Variants in NRXN2 observed in about 807,000 individuals in gnomAD.
NRXN2 encodes neurexin-2-beta.
In NRXN2, 29 loss-of-function variants were observed where a neutral mutation model predicts 128.8. The observed-to-expected ratio is 0.23, with a 90% CI of 0.17 to 0.31. The LOEUF is 0.31. NRXN2 is among the 10% of genes least tolerant of loss of function. NRXN2 has a pLI of 1.00. For missense variants in NRXN2, 1,881 were observed against 2,452.6 expected (o/e 0.77, Z 4.92); for synonymous variants, 1,098 against 1,075.2 (o/e 1.02, Z -0.41).
intron 7 of NRXN2, among the ~76,000 whole-genome samples, chr11:64,672,048 G>C (rs1329365288): frequency 1.3e-5 from 2 of 152,190 alleles, no homozygotes; most frequent in African/African-American, 4.8e-5. Flanking sequence ...TGGGTACTGA[G>C]CTGGCCAAGG....
intron 4 of NRXN2, 67 bp downstream of exon 4, chr11:64,692,780 G>C: frequency 6.3e-7 from 1 of 1,581,564 alleles, no homozygotes; most frequent in East Asian, 2.2e-5. Context: ...ACAGGGAGAA[G>C]AACAGAAAAT....
intron 5 of NRXN2, 69 bp from the exon 6 acceptor site, chr11:64,686,016 C>T: frequency 6.4e-7 from 1 of 1,564,566 alleles, no homozygotes; most frequent in Non-Finnish European, 8.8e-7. Context: ...CTTCCCTCTC[C>T]CCTCCAGCAA....
At chr11:64,674,770 T>C (rs2051076123) in intron 7 of NRXN2, among the ~76,000 whole-genome samples, 1 of 152,230 alleles carries the variant, frequency 6.6e-6, no homozygotes, top group African/African-American at 2.4e-5. Flanking sequence ...CTGGAAACAC[T>C]GAGATAACCA....
At chr11:64,679,865 C>G (rs1175168270) in intron 6 of NRXN2, among the ~76,000 whole-genome samples, 2 of 152,156 alleles carry the variant, frequency 1.3e-5, no homozygotes, top group African/African-American at 4.8e-5. Context: ...CCACTGGAAC[C>G]CATTCCTGGT....
intron 9 of NRXN2, 191 bp from the exon 10 acceptor site, chr11:64,661,330 C>T: frequency 6.8e-7 from 1 of 1,468,746 alleles, no homozygotes; most frequent in Non-Finnish European, 9.0e-7. Flanking sequence ...TGACAAAGGC[C>T]CCCAGGCTCA....
intron 17 of NRXN2, among the ~76,000 whole-genome samples, chr11:64,637,079 C>T (rs530272220): frequency 6.6e-6 from 1 of 152,020 alleles, no homozygotes; most frequent in South Asian, 2.1e-4. Flanking sequence ...AGCCATGGGT[C>T]CCCTTGCTGT....
intron 9 of NRXN2, among the ~76,000 whole-genome samples, chr11:64,666,375 T>C (rs1414075696): frequency 1.3e-5 from 2 of 151,070 alleles, no homozygotes; most frequent in Admixed American, 1.3e-4. Context: ...CTAATTTTTG[T>C]ATTTTTAGTA....
chr11:64,666,460 C>T (rs1396566283), intron 9 of NRXN2, among the ~76,000 whole-genome samples: 1 of 152,134 alleles, frequency 6.6e-6, no homozygotes, highest in Non-Finnish European at 1.5e-5. Flanking sequence ...CTTCGGCCTC[C>T]CAAAGTGCTG....
chr11:64,607,063 C>T lies in NRXN2; in HGVS notation c.*133G>A, dbSNP rs1019064178. 1.8e-5 allele frequency: 17 copies of T among 960,098 alleles called. No homozygotes were observed. Among genetic ancestry groups the T allele is most frequent in the African/African-American group, 8.2e-5 (5 of 60,896 alleles). The allele number at this position is 960,098 out of a possible 1,614,324, so 59.5% of individuals were successfully genotyped here. ...CGGGGTTTTTCCTTTTCTTTTTTTG[C>T]GTTTCCTCTTCGTAAGAGAAGCCTG... On this transcript the variant is annotated 3_prime_UTR_variant, in exon 23 of 23. Coordinates refer to ENST00000265459, the MANE Select transcript of NRXN2 (RefSeq NM_015080.4).
chr11:64,667,155 T>G lies in NRXN2; in HGVS notation c.1798+95A>C. 8.1e-7 allele frequency: 1 copy of G among 1,236,168 alleles called. No homozygotes were observed. The highest frequency in any genetic ancestry group is 1.2e-6 in the Non-Finnish European group (1 of 857,066). 76.6% of individuals were successfully genotyped at this position (1,236,168 alleles called of 1,614,324 possible). A position where few individuals can be genotyped will look rare whatever the true frequency, so the allele number is the denominator to read the frequency against. ...CGGCAGGGAAGAATATAGGAAATGG[T>G]GTAGAAGAGACCCGCTGAAGAGAGA... On this transcript the variant is annotated intron_variant, in intron 9 of 22. Transcript: ENST00000265459. This position sits in a 1 kb window ranked among gnomAD's most constrained non-coding sequence, Gnocchi z 5.6.
intron 14 of NRXN2, among the ~76,000 whole-genome samples, 187 bp from the exon 15 acceptor site, chr11:64,650,825 G>T (rs1182252676): frequency 6.6e-6 from 1 of 152,136 alleles, no homozygotes; most frequent in Non-Finnish European, 1.5e-5. Context: ...GTCACGGGGA[G>T]AATGTAAGGA....
chr11:64,696,390 A>G (rs1565436316), intron 3 of NRXN2, among the ~76,000 whole-genome samples: 1 of 152,192 alleles, frequency 6.6e-6, no homozygotes, highest in Non-Finnish European at 1.5e-5. Flanking sequence ...GGAGGCGCAC[A>G]GCACACCCAT....
chr11:64,651,725 GCCACCCAT>G lies in NRXN2; in HGVS notation c.2537-97_2537-90del. 1.3e-5 allele frequency: 19 copies of G among 1,441,240 alleles called. No homozygotes were observed. The highest frequency in any genetic ancestry group is 1.6e-5 in the Non-Finnish European group (17 of 1,040,568). 89.3% of individuals were successfully genotyped at this position (1,441,240 alleles called of 1,614,324 possible). A position where few individuals can be genotyped will look rare whatever the true frequency, so the allele number is the denominator to read the frequency against. On this transcript the variant is annotated intron_variant, in intron 13 of 22. Coordinates refer to ENST00000265459, the MANE Select transcript of NRXN2 (RefSeq NM_015080.4). The surrounding 1 kb of genome is among the most constrained non-coding windows in gnomAD (Gnocchi z 5.9). Reference sequence around the variant, plus strand: ...CCAGGAGCCTCCCCTCCACAGGAGGGCCACCCATGAGTGACATCTTTAGAGATGTCCTC... The same window carrying G: ...CCAGGAGCCTCCCCTCCACAGGAGGGGAGTGACATCTTTAGAGATGTCCTC...
Position 64,660,789 on chromosome 11 carries a change from T to A in NRXN2, c.2149A>T (p.Ile717Phe), listed in dbSNP as rs755786562. The A allele has an allele frequency of 2.5e-6, 4 of 1,613,628 alleles. No individual in the cohort carries two copies. The highest frequency in any genetic ancestry group is 3.4e-6 in the Non-Finnish European group (4 of 1,180,026). Residue 717 changes from isoleucine (I) to phenylalanine (F), a missense_variant, in exon 10 of 23, where the codon ATC (isoleucine) becomes TTC (phenylalanine). Ile to Phe is a conservative substitution (Grantham distance 21, BLOSUM62 0). This residue lies in a region of NRXN2 where 997 missense variants were observed against 1,240.8 expected (regional missense o/e 0.80). Transcript: ENST00000265459. The surrounding 1 kb of genome is among the most constrained non-coding windows in gnomAD (Gnocchi z 5.2). Reference sequence around the variant, plus strand: ...ACCCGCCCAAGAAAGCCGGTCCCGATGCAGTCACAGATGAAGCGGTTCCAG... The same window carrying A: ...ACCCGCCCAAGAAAGCCGGTCCCGAAGCAGTCACAGATGAAGCGGTTCCAG... Reference protein sequence around the residue: ...EGWNRFICDCIGTGFLGRVCE... With the variant: ...EGWNRFICDCFGTGFLGRVCE...
At chr11:64,686,677 G>A (rs1455069860) in intron 5 of NRXN2, among the ~76,000 whole-genome samples, 1 of 152,218 alleles carries the variant, frequency 6.6e-6, no homozygotes, top group Non-Finnish European at 1.5e-5. Context: ...CCAAGCCAAG[G>A]ACGGCGCAGA....
In NRXN2 at chr11:64,651,829, G is replaced by T. The variant is rs1473559505; in HGVS notation, c.2537-193C>A. 6.6e-6 allele frequency among the ~76,000 whole-genome samples: 1 copy of T among 152,180 alleles called. No homozygotes were observed. Among genetic ancestry groups the T allele is most frequent in the Non-Finnish European group, 1.5e-5 (1 of 68,018 alleles). ...CTCGCCAGTCAAGAGCCAACAGGCTGCCAGGGGAATGCTGCCTACAGGGAG... is the reference window on the plus strand; with the variant it reads ...CTCGCCAGTCAAGAGCCAACAGGCTTCCAGGGGAATGCTGCCTACAGGGAG... On this transcript the variant is annotated intron_variant, in intron 13 of 22. Transcript: ENST00000265459. The surrounding 1 kb of genome is among the most constrained non-coding windows in gnomAD (Gnocchi z 5.9).
rs1354580053 is a variant in NRXN2, at chr11:64,713,802, G to C, written c.-103C>G. ...GGGCCGGGCGCTCCCCGCGCTGAGC[G>C]GGGCTCCCTTGCAGGCTCACAGTGC... On this transcript the variant is annotated 5_prime_UTR_variant, in exon 2 of 23. Transcript: ENST00000265459. 1 of 657,888 alleles carries C rather than the reference G, an allele frequency of 1.5e-6. No individual in the cohort carries two copies. The highest frequency in any genetic ancestry group is 1.9e-6 in the Non-Finnish European group (1 of 526,930). 40.8% of individuals were successfully genotyped at this position (657,888 alleles called of 1,614,324 possible).
chr11:64,621,271 C>G (rs1243401082), intron 21 of NRXN2, among the ~76,000 whole-genome samples: 3 of 152,204 alleles, frequency 2.0e-5, no homozygotes, highest in African/African-American at 7.2e-5. Flanking sequence ...CCCACCACAG[C>G]AGTGACTCCT....
At chr11:64,720,456 GA>G (rs2057405546) in intron 1 of NRXN2, among the ~76,000 whole-genome samples, 1 of 152,188 alleles carries the variant, frequency 6.6e-6, no homozygotes, top group African/African-American at 2.4e-5. Flanking sequence ...CCTTGTGCCT[GA>G]GGATTAATGC....
Sources: allele counts gnomAD v4.1 joint callset (sites outside exome capture counted in the v4.1 genomes callset), GRCh38; gene constraint gnomAD v4.1.1; regional missense constraint gnomAD v4.1.1; non-coding constraint Gnocchi (gnomAD v3.1); transcripts MANE v1.5; gene names NCBI Gene and HGNC (gene_info 2026-07-23, HGNC 2026-07-21).